Variants in XRCC4 observed in about 807,000 individuals in gnomAD.
XRCC4 encodes DNA repair protein XRCC4.
In XRCC4, 28 loss-of-function variants were observed where a neutral mutation model predicts 39.1. That is an observed-to-expected ratio of 0.72 (90% CI 0.53 to 0.98). The LOEUF is 0.98. Ranked by LOEUF, XRCC4 falls within the 50% of genes least tolerant of loss-of-function variation. The pLI, the probability that XRCC4 is intolerant of heterozygous loss-of-function variation, is 0.00. For synonymous variants in XRCC4, 123 were observed against 126.4 expected (o/e 0.97, Z 0.18); for missense variants, 350 against 376.4 (o/e 0.93, Z 0.58).
chr5:83,116,347 A>C (rs950529627), intron 3 of XRCC4, among the ~76,000 whole-genome samples: 1 of 152,174 alleles, frequency 6.6e-6, no homozygotes, highest in Non-Finnish European at 1.5e-5. Flanking sequence ...TCCCAGATGC[A>C]TACCTCTGGG....
intron 7 of XRCC4, among the ~76,000 whole-genome samples, chr5:83,347,254 G>T (rs554919724): frequency 6.6e-6 from 1 of 152,194 alleles, no homozygotes. Context: ...GGCTGTGAAT[G>T]TACAAGTAAT....
rs577792437 is a variant in XRCC4, at chr5:83,269,426, T to C, written c.893+10749T>C. 2.0e-5 allele frequency among the ~76,000 whole-genome samples: 3 copies of C among 150,964 alleles called. No homozygotes were observed. In the East Asian group the frequency reaches 5.8e-4, roughly 29 times the overall value. On this transcript the variant is annotated intron_variant, in intron 7 of 7. Transcript: ENST00000396027. Reference sequence around the variant, plus strand: ...GTGATAATGAGGCCAATTGGTGTAATAGTTCCAAGTACATCTAGAATGCCC... The same window carrying C: ...GTGATAATGAGGCCAATTGGTGTAACAGTTCCAAGTACATCTAGAATGCCC...
chr5:83,236,752 A>G (rs1752705110), intron 6 of XRCC4, among the ~76,000 whole-genome samples: 1 of 151,920 alleles, frequency 6.6e-6, no homozygotes, highest in Non-Finnish European at 1.5e-5. Context: ...ACAGCAAAGG[A>G]AAAAAAATCA....
At chr5:83,260,816 T>C (rs1441532243) in intron 7 of XRCC4, among the ~76,000 whole-genome samples, 2 of 152,080 alleles carry the variant, frequency 1.3e-5, no homozygotes, top group African/African-American at 2.4e-5. Flanking sequence ...TTGACAAAGT[T>C]GATGTAAACC....
chr5:83,273,769 G>T (rs1410795377), intron 7 of XRCC4, among the ~76,000 whole-genome samples: 3 of 152,062 alleles, frequency 2.0e-5, no homozygotes, highest in South Asian at 2.1e-4. Context: ...CTGTTGCATT[G>T]GTCTATATAT....
At chr5:83,102,182 C>G (rs1745973582) in intron 1 of XRCC4, among the ~76,000 whole-genome samples, 1 of 152,044 alleles carries the variant, frequency 6.6e-6, no homozygotes, top group South Asian at 2.1e-4. Context: ...TACAACTAGA[C>G]TACCAGTTGG....
intron 7 of XRCC4, among the ~76,000 whole-genome samples, chr5:83,332,870 C>G (rs138892995): frequency 5.9e-5 from 9 of 152,256 alleles, no homozygotes; most frequent in African/African-American, 1.9e-4. Flanking sequence ...AGGAGACAGG[C>G]AGGCATGGGT....
At chr5:83,272,961 C>T (rs1754194948) in intron 7 of XRCC4, among the ~76,000 whole-genome samples, 1 of 152,134 alleles carries the variant, frequency 6.6e-6, no homozygotes, top group African/African-American at 2.4e-5. Context: ...ATTGCTGGGT[C>T]AAATGGTATT....
chr5:83,208,559 C>T (rs1021603151), intron 6 of XRCC4, among the ~76,000 whole-genome samples: 2 of 151,758 alleles, frequency 1.3e-5, no homozygotes, highest in Non-Finnish European at 2.9e-5. Context: ...GGCTTTTTTT[C>T]CTCTAAATTT....
chr5:83,082,934 T>A (rs954890139), intron 1 of XRCC4, among the ~76,000 whole-genome samples: 1 of 152,194 alleles, frequency 6.6e-6, no homozygotes, highest in African/African-American at 2.4e-5. Flanking sequence ...ACCCTGTTTC[T>A]TAAGTACACT....
At chr5:83,331,056 C>T (rs187460912) in intron 7 of XRCC4, among the ~76,000 whole-genome samples, 118 of 152,204 alleles carry the variant, frequency 7.8e-4, no homozygotes, top group Middle Eastern at 6.8e-3. Context: ...ATGCAATACT[C>T]TAGTCATCTC....
chr5:83,083,144 T>C (rs1322444117), intron 1 of XRCC4, among the ~76,000 whole-genome samples: 2 of 152,182 alleles, frequency 1.3e-5, no homozygotes, highest in Non-Finnish European at 2.9e-5. Context: ...CACCCTGTTT[T>C]ATCTCCTCTT....
chr5:83,129,234 TC>T, intron 3 of XRCC4, among the ~76,000 whole-genome samples: 1 of 143,196 alleles, frequency 7.0e-6, no homozygotes, highest in Admixed American at 6.8e-5. Context: ...AAATAGGGAA[TC>T]CTTTCCCCAT....
intron 5 of XRCC4, 56 bp from the exon 6 acceptor site, chr5:83,204,756 TCTG>T (rs2112732653): frequency 8.0e-7 from 1 of 1,254,350 alleles, no homozygotes; most frequent in Non-Finnish European, 1.1e-6. Context: ...TACTGATAAA[TCTG>T]CTGCCTAGCA....
rs150289805 is a variant in XRCC4, at chr5:83,087,465, C to A, written c.-11+9850C>A. 2.9e-3 allele frequency among the ~76,000 whole-genome samples: 442 copies of A among 152,038 alleles called. 11 individuals carry two copies. The East Asian group carries it at 0.074, about 25-fold the overall frequency. On this transcript the variant is annotated intron_variant, in intron 1 of 7. Transcript: ENST00000396027. ...ATCATTTGAGGTCAGGCGTTTGAGA[C>A]CAGCATGGCCAACATAGTGAAACCC...
intron 3 of XRCC4, among the ~76,000 whole-genome samples, chr5:83,184,900 C>A (rs1473679560): frequency 2.0e-5 from 3 of 151,804 alleles, no homozygotes; most frequent in Admixed American, 2.0e-4. Flanking sequence ...TTTGCAAAAC[C>A]CTTCACCAGT....
At chr5:83,269,424 A>T (rs1018838580) in intron 7 of XRCC4, among the ~76,000 whole-genome samples, 21 of 151,264 alleles carry the variant, frequency 1.4e-4, no homozygotes, top group African/African-American at 4.9e-4. Flanking sequence ...CAATTGGTGT[A>T]ATAGTTCCAA....
chr5:83,090,475 C>T (rs1343558772), intron 1 of XRCC4, among the ~76,000 whole-genome samples: 2 of 152,152 alleles, frequency 1.3e-5, no homozygotes. Flanking sequence ...GTCCATTAAA[C>T]TGTTTTTTTC....
At chr5:83,215,022 T>G (rs929497966) in intron 6 of XRCC4, among the ~76,000 whole-genome samples, 2 of 152,014 alleles carry the variant, frequency 1.3e-5, no homozygotes, top group African/African-American at 2.4e-5. Context: ...GGAAAACATC[T>G]TATATTTATA....
Sources: gnomAD v4.1 joint callset for allele counts (sites outside exome capture counted in the v4.1 genomes callset) on GRCh38, gnomAD v4.1.1 for gene constraint, MANE v1.5 for transcripts, NCBI Gene and HGNC (gene_info 2026-07-23, HGNC 2026-07-21) for gene names.